Variants in TPD52 observed in about 807,000 individuals in gnomAD.
The protein encoded by TPD52 is tumor protein D52, also known as prostate and colon associated protein.
Under a neutral mutation model 31.3 loss-of-function variants are expected in TPD52, and 17 were observed. That is an observed-to-expected ratio of 0.54 (90% CI 0.37 to 0.82). The LOEUF (loss-of-function observed/expected upper bound fraction) is 0.82, where lower values mean the gene tolerates loss of function less well. Among genes scored for constraint, TPD52 ranks in the 40% least tolerant of loss-of-function variants. TPD52 has a pLI of 0.00. For missense variants in TPD52, 212 were observed against 240.1 expected (o/e 0.88, Z 0.77); for synonymous variants, 83 against 89.6 (o/e 0.93, Z 0.42).
rs150769796 is a variant in TPD52 at position 80,170,670 on chromosome 8, C to G, written c.19+755G>C. Reference sequence around the variant, plus strand: ...TGCCACACACATCTGCGTACAGTCACAGGCTTATGATCAGCAGAGATCTCT... The same window carrying G: ...TGCCACACACATCTGCGTACAGTCAGAGGCTTATGATCAGCAGAGATCTCT... On this transcript the variant is annotated intron_variant, in intron 1 of 7. Coordinates refer to ENST00000518937, the MANE Select transcript of TPD52 (RefSeq NM_001025253.3). Among the ~76,000 whole-genome samples, 1,426 of 152,108 alleles carry G rather than the reference C, an allele frequency of 9.4e-3. 22 individuals are homozygous for G. Among genetic ancestry groups the G allele is most frequent in the African/African-American group, 0.033 (1,366 of 41,542 alleles).
chr8:80,064,924 A>C, intron 1 of TPD52: 2 of 476,878 alleles, frequency 4.2e-6, no homozygotes, highest in South Asian at 3.3e-5. Flanking sequence ...TTGCTGCAAA[A>C]GTAAATCAGT....
In TPD52 at chr8:80,038,145, G is replaced by A; in HGVS notation, c.595C>T (p.Leu199Phe). ...AGGCTCTCCTGTGTCTTTTCTGGAAGAGGCTCCGTGGTGGTGGCACTAGCA... is the reference window on the plus strand; with the variant it reads ...AGGCTCTCCTGTGTCTTTTCTGGAAAAGGCTCCGTGGTGGTGGCACTAGCA... ...ANASATTTEP[L>F]PEKTQESL The change falls in exon 8 of 8, where the codon CTT (leucine) becomes TTT (phenylalanine). Residue 199 changes from leucine to phenylalanine, a missense_variant. Transcript: ENST00000518937. 3 of 1,614,104 alleles carry A rather than the reference G, an allele frequency of 1.9e-6. No homozygotes were observed. In the South Asian group the frequency reaches 3.3e-5, roughly 18 times the overall value.
intron 1 of TPD52, among the ~76,000 whole-genome samples, chr8:80,154,719 ACACACACAC>A (rs1810810979): frequency 7.0e-6 from 1 of 143,224 alleles, no homozygotes; most frequent in East Asian, 2.0e-4. Flanking sequence ...ACACACACAC[ACACACACAC>A]ACACACACAC....
In TPD52 at chr8:80,036,644, T is replaced by C. The variant is rs1389685978; in HGVS notation, c.*1472A>G. 1 of 152,622 alleles carries C rather than the reference T, an allele frequency of 6.6e-6. No individual in the cohort carries two copies. The highest frequency in any genetic ancestry group is 2.4e-5 in the African/African-American group (1 of 41,448). 9.5% of individuals were successfully genotyped at this position (152,622 alleles called of 1,614,324 possible). ...CACATGTGATAGCACATAGTTTTAA[T>C]TGCATCCAAAGTACTAACAAAAACT... On this transcript the variant is annotated 3_prime_UTR_variant, in exon 8 of 8. Coordinates refer to ENST00000518937, the MANE Select transcript of TPD52 (RefSeq NM_001025253.3).
At chr8:80,064,952 T>G in intron 1 of TPD52, 2 of 412,910 alleles carry the variant, frequency 4.8e-6, no homozygotes, top group Non-Finnish European at 9.4e-6. Flanking sequence ...AGATGAAAGA[T>G]TTTAGCTCCT....
intron 1 of TPD52, among the ~76,000 whole-genome samples, chr8:80,139,413 GA>G (rs10715571): frequency 0.51 from 77,176 of 151,332 alleles, 20,128 homozygotes; most frequent in East Asian, 0.79. Flanking sequence ...GTATTTTTAT[GA>G]AAAAAAAAAT....
At chr8:80,068,540 A>G (rs544596102) in intron 1 of TPD52, among the ~76,000 whole-genome samples, 3 of 152,350 alleles carry the variant, frequency 2.0e-5, no homozygotes, top group African/African-American at 7.2e-5. Context: ...CATTTTAGCC[A>G]TTGCCTTAGT....
At chr8:80,080,904 C>A in intron 1 of TPD52, 1 of 295,160 alleles carries the variant, frequency 3.4e-6, no homozygotes, top group South Asian at 1.3e-4. Flanking sequence ...ATGACTACAC[C>A]AGGGCAGACT....
chr8:80,096,291 A>AACACAC (rs34309218), intron 1 of TPD52, among the ~76,000 whole-genome samples: 12,655 of 146,802 alleles, frequency 0.086, 598 homozygotes, highest in South Asian at 0.18. Context: ...CACACACACA[A>AACACAC]ACACACACAC....
intron 4 of TPD52, chr8:80,051,258 T>A (rs1281992217): frequency 2.5e-5 from 12 of 483,398 alleles, no homozygotes; most frequent in Non-Finnish European, 4.4e-5. Context: ...TTACCCTGCA[T>A]GATCATGAAG....
At chr8:80,118,543 T>C (rs1808032516) in intron 1 of TPD52, among the ~76,000 whole-genome samples, 1 of 152,216 alleles carries the variant, frequency 6.6e-6, no homozygotes, top group African/African-American at 2.4e-5. Flanking sequence ...GATGATGGCA[T>C]TGTATCTAGA....
intron 1 of TPD52, among the ~76,000 whole-genome samples, chr8:80,125,421 A>AAAAC (rs953790798): frequency 2.0e-4 from 30 of 152,286 alleles, no homozygotes; most frequent in East Asian, 1.2e-3. Flanking sequence ...GTCCCATTAA[A>AAAAC]AAACAAACAA....
chr8:80,081,271 T>C (rs1815258882), intron 1 of TPD52, among the ~76,000 whole-genome samples: 1 of 151,884 alleles, frequency 6.6e-6, no homozygotes, highest in Non-Finnish European at 1.5e-5. Flanking sequence ...TCTTTGTTTG[T>C]CTAAGGCCAT....
At chr8:80,119,524 A>G (rs573192661) in intron 1 of TPD52, among the ~76,000 whole-genome samples, 144 of 152,326 alleles carry the variant, frequency 9.5e-4, no homozygotes, top group Non-Finnish European at 1.5e-3. Context: ...GTACATGGAC[A>G]GTTTTCTGGG....
rs749215143 is a variant in TPD52, at chr8:80,038,193, C to T, written c.547G>A (p.Glu183Lys). The change falls in exon 8 of 8, where the codon GAA becomes AAA. Residue 183 changes from glutamate to lysine, a missense_variant. By Grantham distance (56) the Glu-to-Lys change is moderately conservative. Transcript: ENST00000518937. ...GCATTTGCAGCCGAATTCAAGACTT[C>T]TCCAAAATCACCACCAGCAGGCTTG... is the stretch of plus-strand genomic sequence containing the variant. ...GTKPAGGDFG[E>K]VLNSAANASA... The T allele has an allele frequency of 1.2e-6, 2 of 1,614,066 alleles. No individual in the cohort carries two copies. Among genetic ancestry groups the T allele is most frequent in the Admixed American group, 3.3e-5 (2 of 60,032 alleles).
intron 5 of TPD52, among the ~76,000 whole-genome samples, chr8:80,045,980 A>C (rs896918665): frequency 1.3e-4 from 20 of 152,184 alleles, no homozygotes; most frequent in Non-Finnish European, 2.2e-4. Flanking sequence ...AGTATCAACA[A>C]AATGTGGAAA....
Position 80,045,177 on chromosome 8 carries a change from A to G in TPD52, c.414-969T>C, listed in dbSNP as rs75614876. On this transcript the variant is annotated intron_variant, in intron 5 of 7. Transcript: ENST00000518937. Reference sequence around the variant, plus strand: ...TACAATGGTGGTCAATACCTAGGGTATAAGAGTATAATAATCTATTCTGGG... The same window carrying G: ...TACAATGGTGGTCAATACCTAGGGTGTAAGAGTATAATAATCTATTCTGGG... Among the ~76,000 whole-genome samples the G allele has an allele frequency of 5.4e-3, 818 of 152,330 alleles. 6 individuals are homozygous for G. The highest frequency in any genetic ancestry group is 0.019 in the African/African-American group (779 of 41,566).
intron 1 of TPD52, among the ~76,000 whole-genome samples, chr8:80,155,738 C>T (rs1810920823): frequency 6.6e-6 from 1 of 151,938 alleles, no homozygotes; most frequent in South Asian, 2.1e-4. Flanking sequence ...ACAAAATTAG[C>T]CAGGCATGGT....
intron 1 of TPD52, among the ~76,000 whole-genome samples, chr8:80,139,242 TA>T (rs1232872805): frequency 6.6e-6 from 1 of 152,222 alleles, no homozygotes; most frequent in Non-Finnish European, 1.5e-5. Context: ...TTGTTTCTAA[TA>T]GCAGCTTGAG....
Sources: allele counts gnomAD v4.1 joint callset (sites outside exome capture counted in the v4.1 genomes callset), GRCh38; gene constraint gnomAD v4.1.1; transcripts MANE v1.5; gene names NCBI Gene and HGNC (gene_info 2026-07-23, HGNC 2026-07-21).